SORBS2: variants seen among roughly 807,000 people sequenced by gnomAD.
The protein encoded by SORBS2 is sorbin and SH3 domain-containing protein 2.
SORBS2 carries 46 observed loss-of-function variants against 97.7 expected under a neutral mutation model. The ratio of observed to expected loss-of-function variants is 0.47; its 90% CI spans 0.37 to 0.60. SORBS2 has a LOEUF of 0.60. SORBS2 is among the 20% of genes least tolerant of loss of function. The probability of loss-of-function intolerance (pLI) is 0.00; values close to 1 mark genes in which losing one functional copy is unlikely to be tolerated. For synonymous variants in SORBS2, 476 were observed against 473.4 expected (o/e 1.01, Z -0.07); for missense variants, 1,316 against 1,282.3 (o/e 1.03, Z -0.40).
intron 4 of SORBS2, chr4:185,638,135 C>G (rs906554292): frequency 1.2e-6 from 2 of 1,611,318 alleles, no homozygotes; most frequent in African/African-American, 2.7e-5. Flanking sequence ...TTTTCTAAAT[C>G]TATGTCATCT....
chr4:185,919,829 G>A (rs2099260133), intron 1 of SORBS2, among the ~76,000 whole-genome samples: 1 of 152,116 alleles, frequency 6.6e-6, no homozygotes, highest in Non-Finnish European at 1.5e-5. Context: ...ATCTTTTCAT[G>A]CCATGCATCT....
intron 1 of SORBS2, among the ~76,000 whole-genome samples, chr4:185,869,623 T>C (rs2099229266): frequency 1.3e-5 from 2 of 152,248 alleles, no homozygotes; most frequent in Non-Finnish European, 2.9e-5. Flanking sequence ...CTGAAACAGA[T>C]GCTGGAAAAT....
chr4:185,833,911 G>A (rs2099206521), intron 1 of SORBS2, among the ~76,000 whole-genome samples: 1 of 152,034 alleles, frequency 6.6e-6, no homozygotes, highest in Non-Finnish European at 1.5e-5. Context: ...CTTCCTCATT[G>A]GACTGACAGC....
At chr4:185,722,223 T>A (rs1043351153) in intron 2 of SORBS2, among the ~76,000 whole-genome samples, 1 of 152,210 alleles carries the variant, frequency 6.6e-6, no homozygotes, top group Non-Finnish European at 1.5e-5. Flanking sequence ...GAGAACAGTG[T>A]CAGGGACATA....
At chr4:185,717,273 C>G (rs2098473549) in intron 2 of SORBS2, among the ~76,000 whole-genome samples, 1 of 152,192 alleles carries the variant, frequency 6.6e-6, no homozygotes, top group Admixed American at 6.5e-5. Flanking sequence ...GGGCATAACC[C>G]TGCCACTGTC....
At chr4:185,597,859 T>A (rs2096151040) in intron 12 of SORBS2, among the ~76,000 whole-genome samples, 1 of 152,212 alleles carries the variant, frequency 6.6e-6, no homozygotes, top group Admixed American at 6.5e-5. Flanking sequence ...TTCCCAAGGC[T>A]GGAAAAATTT....
chr4:185,635,682 C>T (rs1246046181), intron 4 of SORBS2, among the ~76,000 whole-genome samples: 1 of 152,110 alleles, frequency 6.6e-6, no homozygotes, highest in African/African-American at 2.4e-5. Flanking sequence ...TTCATTAGCA[C>T]TCCTAGTCTC....
exon 4 of SORBS2, chr4:185,678,543 C>T: frequency 4.5e-6 from 7 of 1,539,752 alleles, no homozygotes; most frequent in Non-Finnish European, 6.1e-6. Flanking sequence ...TGTAAGATCT[C>T]CAAGCTTTCA....
intron 2 of SORBS2, among the ~76,000 whole-genome samples, chr4:185,687,941 G>A (rs2098001636): frequency 6.6e-6 from 1 of 152,052 alleles, no homozygotes; most frequent in Non-Finnish European, 1.5e-5. Context: ...CCTAACGCTG[G>A]TCTTGCCTTT....
At chr4:185,790,157 A>G (rs1033423616) in intron 1 of SORBS2, among the ~76,000 whole-genome samples, 14 of 151,764 alleles carry the variant, frequency 9.2e-5, no homozygotes, top group African/African-American at 3.1e-4. Context: ...GGATTTATTC[A>G]GGATATGAGA....
intron 2 of SORBS2, among the ~76,000 whole-genome samples, chr4:185,762,426 C>G (rs1175720569): frequency 6.6e-6 from 1 of 151,592 alleles, no homozygotes; most frequent in Non-Finnish European, 1.5e-5. Flanking sequence ...AACAGGTGAA[C>G]TCAGGGAAGA....
chr4:185,667,179 T>C, intron 4 of SORBS2, among the ~76,000 whole-genome samples: 1 of 152,180 alleles, frequency 6.6e-6, no homozygotes, highest in East Asian at 1.9e-4. Context: ...GAGGGGATGT[T>C]TGGGAGAGGA....
chr4:185,617,525 TTA>T (rs71593641), intron 9 of SORBS2, among the ~76,000 whole-genome samples: 54,110 of 150,736 alleles, frequency 0.36, 9,926 homozygotes, highest in African/African-American at 0.46. Flanking sequence ...ATTTTGGTTA[TTA>T]TATATATATA....
intron 2 of SORBS2, among the ~76,000 whole-genome samples, chr4:185,736,814 G>T (rs903476108): frequency 3.9e-5 from 6 of 152,174 alleles, no homozygotes; most frequent in Non-Finnish European, 8.8e-5. Flanking sequence ...CCCACCCTCA[G>T]CAGGGACTTG....
intron 1 of SORBS2, among the ~76,000 whole-genome samples, chr4:185,870,842 A>G (rs2149741081): frequency 1.3e-5 from 2 of 152,330 alleles, no homozygotes; most frequent in South Asian, 4.1e-4. Context: ...AACATTAAGG[A>G]AAGAAGCCAC....
intron 1 of SORBS2, among the ~76,000 whole-genome samples, chr4:185,932,008 A>C (rs77199474): frequency 0.066 from 9,774 of 147,840 alleles, 366 homozygotes; most frequent in East Asian, 0.14. Flanking sequence ...CTCTCTATAT[A>C]TATATATATA....
chr4:185,865,180 A>G (rs1462057580), intron 1 of SORBS2, among the ~76,000 whole-genome samples: 1 of 152,178 alleles, frequency 6.6e-6, no homozygotes, highest in Admixed American at 6.5e-5. Context: ...AGTTCCCTTT[A>G]TTATTCAAAG....
At chr4:185,595,709 G>C (rs1390459223) in intron 12 of SORBS2, among the ~76,000 whole-genome samples, 1 of 148,278 alleles carries the variant, frequency 6.7e-6, no homozygotes, top group Non-Finnish European at 1.5e-5. Context: ...ACATATCATA[G>C]TTTTCTTAAC....
chr4:185,858,010 A>G (rs1427279686), intron 1 of SORBS2, among the ~76,000 whole-genome samples: 1 of 152,102 alleles, frequency 6.6e-6, no homozygotes, highest in Non-Finnish European at 1.5e-5. Context: ...GATCTCTGTG[A>G]CCTACTCCCT....
Sources: allele counts gnomAD v4.1 joint callset (sites outside exome capture counted in the v4.1 genomes callset), GRCh38; gene constraint gnomAD v4.1.1; transcripts MANE v1.5; gene names NCBI Gene and HGNC (gene_info 2026-07-23, HGNC 2026-07-21).